Variants in SIM2 observed in about 807,000 individuals in gnomAD.
SIM2 encodes single-minded homolog 2.
A neutral mutation model predicts 64.8 loss-of-function variants in SIM2; 28 were observed. The ratio of observed to expected loss-of-function variants is 0.43; its 90% CI spans 0.32 to 0.59. The LOEUF (loss-of-function observed/expected upper bound fraction) is 0.59. SIM2 is among the 20% of genes least tolerant of loss of function. SIM2 has a pLI of 0.07. For synonymous variants in SIM2, 408 were observed against 391.1 expected, an observed-to-expected ratio of 1.04 and a Z score of -0.51; for missense variants, 847 against 871.4, an observed-to-expected ratio of 0.97 and a Z score of 0.35.
chr21:36,709,652 C>T (rs571814201), intron 2 of SIM2: 9 of 361,736 alleles, frequency 2.5e-5, no homozygotes, highest in Admixed American at 1.2e-4. Context: ...CTGAAGCATT[C>T]GGCCGCTGTG....
At position 36,747,930 on chromosome 21, in the gene SIM2, C is replaced by A. The variant is rs1323619076; in HGVS notation, c.1842C>A (p.Gly614=). The A allele has an allele frequency of 2.3e-5, 24 of 1,030,426 alleles. No homozygotes were observed. Among genetic ancestry groups the A allele is most frequent in the Non-Finnish European group, 2.4e-5 (21 of 859,362 alleles). The allele number at this position is 1,030,426 out of a possible 1,614,324, so 63.8% of individuals were successfully genotyped here. ...RVLARRGPLG[G]AAPAASGLAC... is the part of the protein sequence containing the mutation. The stretch of plus-strand genomic sequence containing the variant: ...TGGCCCGGCGCGGACCGCTGGGGGG[C>A]GCCGCACCCGCCGCCTCCGGCCTGG... Residue 614 remains glycine, a synonymous_variant, in exon 11 of 11, where the codon GGC becomes GGA. Coordinates refer to ENST00000290399, the MANE Select transcript of SIM2 (RefSeq NM_005069.6). This position sits in a 1 kb window ranked among gnomAD's most constrained non-coding sequence, Gnocchi z 4.5.
At chr21:36,719,384 A>C (rs918990611) in intron 3 of SIM2, among the ~76,000 whole-genome samples, 2 of 152,260 alleles carry the variant, frequency 1.3e-5, no homozygotes, top group African/African-American at 4.8e-5. Context: ...CACAGGGAGC[A>C]CTATGTGGAC....
intron 1 of SIM2, 38 bp from the exon 2 acceptor site, chr21:36,709,130 C>A (rs372939493): frequency 1.9e-6 from 3 of 1,563,482 alleles, no homozygotes; most frequent in South Asian, 2.3e-5. Context: ...TCGGGCTGGG[C>A]GCTGCAGTTT....
Position 36,748,121 on chromosome 21 carries a change from G to A in SIM2, c.*29G>A. On this transcript the variant is annotated 3_prime_UTR_variant, in exon 11 of 11. Transcript: ENST00000290399. Reference sequence around the variant, plus strand: ...GCTGGCCGCCCGCGCCAGGAGCCTGGACCCGGCCTCCCGGGGCTGCGGCGC... The same window carrying A: ...GCTGGCCGCCCGCGCCAGGAGCCTGAACCCGGCCTCCCGGGGCTGCGGCGC... The A allele has an allele frequency of 8.5e-7, 1 of 1,176,220 alleles. No individual in the cohort carries two copies. Among genetic ancestry groups the A allele is most frequent in the Non-Finnish European group, 1.1e-6 (1 of 949,828 alleles). 72.9% of individuals were successfully genotyped at this position (1,176,220 alleles called of 1,614,324 possible). A position where few individuals can be genotyped will look rare whatever the true frequency, so the allele number is the denominator to read the frequency against.
chr21:36,721,702 C>A (rs533350896), intron 4 of SIM2, among the ~76,000 whole-genome samples: 1 of 152,114 alleles, frequency 6.6e-6, no homozygotes. Context: ...TCCCAAAGTG[C>A]TGGGATTACA....
chr21:36,745,940 C>T lies in SIM2; in HGVS notation c.1576+804C>T. The T allele has an allele frequency of 8.0e-7, 1 of 1,253,608 alleles. No homozygotes were observed. The allele number at this position is 1,253,608 out of a possible 1,614,324, so 77.7% of individuals were successfully genotyped here. A position where few individuals can be genotyped will look rare whatever the true frequency, so the allele number is the denominator to read the frequency against. The stretch of plus-strand genomic sequence containing the variant: ...GACATGTATTCCCATTGCACCGAGA[C>T]CTAACTGCCGCTCAGAGTGTAGACC... On this transcript the variant is annotated intron_variant, in intron 10 of 10. Coordinates refer to ENST00000290399, the MANE Select transcript of SIM2 (RefSeq NM_005069.6). The surrounding 1 kb of genome is among the most constrained non-coding windows in gnomAD (Gnocchi z 4.8).
chr21:36,724,564 C>A (rs894270035), intron 5 of SIM2, among the ~76,000 whole-genome samples: 14 of 152,328 alleles, frequency 9.2e-5, no homozygotes, highest in African/African-American at 2.9e-4. Context: ...CAGACAGGAG[C>A]CACCGCGCCT....
chr21:36,730,203 C>T (rs914873609), intron 6 of SIM2, among the ~76,000 whole-genome samples: 2 of 152,142 alleles, frequency 1.3e-5, no homozygotes, highest in East Asian at 1.9e-4. Flanking sequence ...CACTCGCACC[C>T]GCAGTAGCCA....
At chr21:36,715,967 A>G (rs1453227138) in intron 3 of SIM2, among the ~76,000 whole-genome samples, 1 of 152,198 alleles carries the variant, frequency 6.6e-6, no homozygotes, top group Non-Finnish European at 1.5e-5. Context: ...TACTAAAACA[A>G]TGACAGAGAC....
chr21:36,747,582 T>C lies in SIM2; in HGVS notation c.1577-83T>C, dbSNP rs1601065938. The C allele has an allele frequency of 3.2e-5, 27 of 856,136 alleles. No homozygotes were observed. The South Asian group carries it at 1.2e-3, about 37-fold the overall frequency. 53.0% of individuals were successfully genotyped at this position (856,136 alleles called of 1,614,324 possible). On this transcript the variant is annotated intron_variant, in intron 10 of 10. Transcript: ENST00000290399. This position sits in a 1 kb window ranked among gnomAD's most constrained non-coding sequence, Gnocchi z 4.5. ...GTGCAGCGCGTGGGCGGCCGAGGGG[T>C]GGTGGCTGCGCCCGGGGCTTGGGGG...
Position 36,741,875 on chromosome 21 carries a change from C to G in SIM2, c.998+11C>G, listed in dbSNP as rs758947964. Reference sequence around the variant, plus strand: ...CAATTATGTACTCACGTAAGTCACACGTATTTGTTTCTCTCCTTGCTCTTT... The same window carrying G: ...CAATTATGTACTCACGTAAGTCACAGGTATTTGTTTCTCTCCTTGCTCTTT... On this transcript the variant is annotated intron_variant, in intron 8 of 10. Coordinates refer to ENST00000290399, the MANE Select transcript of SIM2 (RefSeq NM_005069.6). The G allele has an allele frequency of 6.4e-7, 1 of 1,557,700 alleles. No homozygotes were observed. Among genetic ancestry groups the G allele is most frequent in the South Asian group, 1.2e-5 (1 of 83,902 alleles).
At chr21:36,722,814 C>T (rs1212683828) in intron 4 of SIM2, among the ~76,000 whole-genome samples, 3 of 152,280 alleles carry the variant, frequency 2.0e-5, no homozygotes, top group Admixed American at 1.3e-4. Flanking sequence ...GGGGTGGCCT[C>T]GTTTGGCTGC....
At position 36,747,197 on chromosome 21, in the gene SIM2, G is replaced by A. The variant is rs1425990662; in HGVS notation, c.1577-468G>A. Among the ~76,000 whole-genome samples the A allele has an allele frequency of 6.6e-6, 1 of 152,242 alleles. No homozygotes were observed. The highest frequency in any genetic ancestry group is 2.4e-5 in the African/African-American group (1 of 41,554). ...GGGACGGGCAGAAGAAATCAGAGCA[G>A]ACGGGGGCCCTCCAACACCAGGGCC... is the stretch of plus-strand genomic sequence containing the variant. On this transcript the variant is annotated intron_variant, in intron 10 of 10. Transcript: ENST00000290399. The surrounding 1 kb of genome is among the most constrained non-coding windows in gnomAD (Gnocchi z 4.5).
intron 1 of SIM2, among the ~76,000 whole-genome samples, chr21:36,707,373 G>A (rs1312747474): frequency 6.6e-6 from 1 of 152,184 alleles, no homozygotes; most frequent in Non-Finnish European, 1.5e-5. Context: ...TGTGATCACG[G>A]TGGTGATGCG....
intron 7 of SIM2, among the ~76,000 whole-genome samples, chr21:36,733,704 C>A (rs773907959): frequency 6.6e-6 from 1 of 151,904 alleles, no homozygotes; most frequent in Admixed American, 6.6e-5. Context: ...GGACTACAGG[C>A]GCCCGCCAGC....
intron 4 of SIM2, 85 bp downstream of exon 4, chr21:36,720,014 C>T (rs1250228622): frequency 5.2e-6 from 5 of 964,436 alleles, no homozygotes; most frequent in Non-Finnish European, 8.2e-6. Flanking sequence ...CTTCCCACAT[C>T]TGCCAAGTGG....
At chr21:36,725,365 G>T (rs2088876576) in intron 5 of SIM2, among the ~76,000 whole-genome samples, 1 of 152,046 alleles carries the variant, frequency 6.6e-6, no homozygotes, top group South Asian at 2.1e-4. Context: ...TCTACGGAAA[G>T]AATTGTTTAT....
intron 5 of SIM2, among the ~76,000 whole-genome samples, chr21:36,724,039 C>G (rs1345757076): frequency 6.6e-6 from 1 of 152,232 alleles, no homozygotes; most frequent in Admixed American, 6.5e-5. Flanking sequence ...GGATTTGTCT[C>G]TTAGAAAAGA....
At chr21:36,734,179 C>T (rs539932414) in intron 7 of SIM2, among the ~76,000 whole-genome samples, 1 of 152,308 alleles carries the variant, frequency 6.6e-6, no homozygotes, top group Non-Finnish European at 1.5e-5. Flanking sequence ...GGGCTGGTGG[C>T]TGTTCTGTAG....
Sources: allele counts gnomAD v4.1 joint callset (sites outside exome capture counted in the v4.1 genomes callset), GRCh38; gene constraint gnomAD v4.1.1; non-coding constraint Gnocchi (gnomAD v3.1); transcripts MANE v1.5; gene names NCBI Gene and HGNC (gene_info 2026-07-23, HGNC 2026-07-21).